Variants in NBAS observed in about 807,000 individuals in gnomAD.
The protein encoded by NBAS is NBAS subunit of NRZ tethering complex.
In NBAS, 219 loss-of-function variants were observed where a neutral mutation model predicts 302.5. The ratio of observed to expected loss-of-function variants is 0.72; its 90% CI spans 0.65 to 0.81. NBAS has a LOEUF of 0.81. Among genes scored for constraint, NBAS ranks in the 30% least tolerant of loss-of-function variants. NBAS has a pLI of 0.00. For synonymous variants in NBAS, 1,118 were observed against 1,021.6 expected, an observed-to-expected ratio of 1.09 and a Z score of -1.80; for missense variants, 2,932 against 2,841.6, an observed-to-expected ratio of 1.03 and a Z score of -0.72.
the NBAS span, among the ~76,000 whole-genome samples, chr2:15,156,647 A>G: frequency 6.6e-6 from 1 of 152,152 alleles, no homozygotes; most frequent in Non-Finnish European, 1.5e-5. Context: ...ACAACGTCCC[A>G]AAGGCCCCAC....
the NBAS span, among the ~76,000 whole-genome samples, chr2:15,143,793 G>A: frequency 6.6e-6 from 1 of 151,918 alleles, no homozygotes; most frequent in Non-Finnish European, 1.5e-5. Flanking sequence ...ATCTGAGTGG[G>A]CACCATCTAA....
At chr2:15,022,476 C>T in the NBAS span, among the ~76,000 whole-genome samples, 10 of 152,100 alleles carry the variant, frequency 6.6e-5, no homozygotes, top group Non-Finnish European at 1.5e-5. Context: ...ACTTACTTAA[C>T]CTTTTCAACT....
the NBAS span, among the ~76,000 whole-genome samples, chr2:14,887,049 C>T: frequency 6.6e-6 from 1 of 152,152 alleles, no homozygotes; most frequent in Non-Finnish European, 1.5e-5. Flanking sequence ...TTTGTCATAG[C>T]AGGCTTACTT....
chr2:15,439,546 C>A (rs924384344), intron 21 of NBAS, among the ~76,000 whole-genome samples: 2 of 151,986 alleles, frequency 1.3e-5, no homozygotes, highest in African/African-American at 4.8e-5. Context: ...CAAACAGCAA[C>A]AGCTCTGGTC....
chr2:15,484,884 T>C (rs1047591329), intron 12 of NBAS, among the ~76,000 whole-genome samples: 7 of 152,308 alleles, frequency 4.6e-5, no homozygotes, highest in Admixed American at 3.9e-4. Context: ...TACTCTACTG[T>C]ACAGTCCTGT....
chr2:14,969,671 C>T, the NBAS span, among the ~76,000 whole-genome samples: 1 of 152,134 alleles, frequency 6.6e-6, no homozygotes, highest in African/African-American at 2.4e-5. Context: ...GCCACCTTGC[C>T]CAGCCTGTAA....
intron 6 of NBAS, among the ~76,000 whole-genome samples, chr2:15,544,731 A>T (rs1201404635): frequency 6.6e-6 from 1 of 152,202 alleles, no homozygotes; most frequent in Non-Finnish European, 1.5e-5. Context: ...GAGCTGAAAG[A>T]GCCAGGCTCA....
chr2:14,864,789 A>G, the NBAS span, among the ~76,000 whole-genome samples: 3 of 152,354 alleles, frequency 2.0e-5, no homozygotes, highest in East Asian at 5.8e-4. Context: ...AGGGATAATA[A>G]TAGCACCTAT....
chr2:15,255,260 T>C (rs1278034522), intron 44 of NBAS, among the ~76,000 whole-genome samples: 3 of 152,208 alleles, frequency 2.0e-5, no homozygotes, highest in Non-Finnish European at 2.9e-5. Context: ...ATGGCCATTT[T>C]TGCAGGAATA....
At chr2:15,326,753 G>A (rs1672087039) in intron 38 of NBAS, among the ~76,000 whole-genome samples, 1 of 152,064 alleles carries the variant, frequency 6.6e-6, no homozygotes. Context: ...AGGATAGGTA[G>A]AAAAACATGC....
the NBAS span, among the ~76,000 whole-genome samples, chr2:14,796,021 G>T: frequency 6.6e-6 from 1 of 152,148 alleles, no homozygotes; most frequent in Non-Finnish European, 1.5e-5. Context: ...TTTAATTTTT[G>T]TAACATTATA....
chr2:14,968,743 T>C, the NBAS span, among the ~76,000 whole-genome samples: 1 of 152,256 alleles, frequency 6.6e-6, no homozygotes, highest in Non-Finnish European at 1.5e-5. Flanking sequence ...TATATTGCTA[T>C]GACAATGTAA....
chr2:14,836,500 T>G, the NBAS span, among the ~76,000 whole-genome samples: 1 of 151,914 alleles, frequency 6.6e-6, no homozygotes, highest in African/African-American at 2.4e-5. Flanking sequence ...TTCTCCCATG[T>G]GGATATCCAA....
At chr2:15,145,135 TC>T in the NBAS span, among the ~76,000 whole-genome samples, 1 of 152,088 alleles carries the variant, frequency 6.6e-6, no homozygotes, top group East Asian at 1.9e-4. Flanking sequence ...GACGTACACA[TC>T]CCATGGCTTA....
intron 25 of NBAS, among the ~76,000 whole-genome samples, chr2:15,402,879 A>C (rs1676221073): frequency 6.6e-6 from 1 of 152,186 alleles, no homozygotes. Context: ...AGCATTTCCC[A>C]TGGCAAACCA....
At chr2:15,073,680 A>G in the NBAS span, among the ~76,000 whole-genome samples, 12 of 152,142 alleles carry the variant, frequency 7.9e-5, no homozygotes, top group Admixed American at 7.9e-4. Flanking sequence ...ACACAGAAAT[A>G]TACATACACG....
chr2:15,518,178 C>T (rs1009066946), intron 9 of NBAS, among the ~76,000 whole-genome samples: 2 of 150,796 alleles, frequency 1.3e-5, no homozygotes, highest in Non-Finnish European at 2.9e-5. Context: ...TTGCATCAAC[C>T]CACAAGTGTA....
intron 15 of NBAS, 34 bp from the exon 16 acceptor site, chr2:15,473,381 A>G (rs1167700737): frequency 1.9e-6 from 3 of 1,611,332 alleles, no homozygotes; most frequent in Middle Eastern, 1.6e-4. Context: ...GGAATGTTAC[A>G]TGACTGAATT....
chr2:14,994,012 G>A, the NBAS span, among the ~76,000 whole-genome samples: 1 of 152,078 alleles, frequency 6.6e-6, no homozygotes, highest in Admixed American at 6.5e-5. Flanking sequence ...TATTACACAG[G>A]ACTTTTTAAA....
Sources: gnomAD v4.1 joint callset for allele counts (sites outside exome capture counted in the v4.1 genomes callset) on GRCh38, gnomAD v4.1.1 for gene constraint, MANE v1.5 for transcripts, NCBI Gene and HGNC (gene_info 2026-07-23, HGNC 2026-07-21) for gene names.